PTK2: variants seen among roughly 807,000 people sequenced by gnomAD.
The protein encoded by PTK2 is focal adhesion kinase 1.
In PTK2, 45 loss-of-function variants were observed where a neutral mutation model predicts 150.1. The ratio of observed to expected loss-of-function variants is 0.30; its 90% CI spans 0.24 to 0.38. The LOEUF (loss-of-function observed/expected upper bound fraction) is 0.38. Among genes scored for constraint, PTK2 ranks in the 10% least tolerant of loss-of-function variants. The pLI, the probability that PTK2 is intolerant of heterozygous loss-of-function variation, is 1.00. For synonymous variants in PTK2, 432 were observed against 449.2 expected (o/e 0.96, Z 0.48); for missense variants, 919 against 1,307.3 (o/e 0.70, Z 4.58).
intron 1 of PTK2, among the ~76,000 whole-genome samples, chr8:140,961,496 C>G (rs758299703): frequency 1.5e-4 from 23 of 151,874 alleles, no homozygotes; most frequent in Non-Finnish European, 2.9e-4. Context: ...CCTGTCTCTA[C>G]TAAAAATACA....
intron 2 of PTK2, among the ~76,000 whole-genome samples, chr8:140,904,638 T>C (rs1315778765): frequency 6.6e-6 from 1 of 152,180 alleles, no homozygotes; most frequent in African/African-American, 2.4e-5. Context: ...GGGCTTTTTT[T>C]TGGTTGGTAG....
intron 2 of PTK2, among the ~76,000 whole-genome samples, chr8:140,898,569 G>C (rs2100157222): frequency 6.6e-6 from 1 of 152,066 alleles, no homozygotes; most frequent in South Asian, 2.1e-4. Flanking sequence ...GTCCAGATGT[G>C]AAGAAAAAAG....
chr8:140,908,162 G>A (rs1163270999), intron 2 of PTK2, among the ~76,000 whole-genome samples: 2 of 152,158 alleles, frequency 1.3e-5, no homozygotes, highest in African/African-American at 2.4e-5. Context: ...CAGCCTTATT[G>A]CTGAAACTGA....
chr8:140,689,775 CA>C (rs1360718741), intron 26 of PTK2, among the ~76,000 whole-genome samples: 1 of 152,038 alleles, frequency 6.6e-6, no homozygotes, highest in African/African-American at 2.4e-5. Flanking sequence ...TTCTTTGTAC[CA>C]TTCTTGTAAC....
At chr8:140,939,024 A>G (rs1476668717) in intron 1 of PTK2, among the ~76,000 whole-genome samples, 1 of 151,826 alleles carries the variant, frequency 6.6e-6, no homozygotes, top group Non-Finnish European at 1.5e-5. Flanking sequence ...AAAAAGTCAC[A>G]CCCTGCTTTC....
chr8:140,853,718 A>G (rs1466218199), intron 5 of PTK2, among the ~76,000 whole-genome samples: 1 of 152,194 alleles, frequency 6.6e-6, no homozygotes, highest in Non-Finnish European at 1.5e-5. Context: ...AAAAATATAC[A>G]AGAGTGAAAA....
chr8:140,801,424 T>C (rs2100094951), intron 11 of PTK2, among the ~76,000 whole-genome samples: 1 of 152,218 alleles, frequency 6.6e-6, no homozygotes, highest in Admixed American at 6.5e-5. Context: ...TGCCACTTGT[T>C]TTAAATCACT....
intron 2 of PTK2, among the ~76,000 whole-genome samples, chr8:140,917,216 C>T (rs987187932): frequency 2.6e-5 from 4 of 152,054 alleles, no homozygotes; most frequent in African/African-American, 7.2e-5. Context: ...CATGGTGAAA[C>T]CCTGTCTCTA....
chr8:141,001,342 T>C (rs2100200200), upstream of PTK2: 1 of 147,326 alleles, frequency 6.8e-6, no homozygotes, highest in South Asian at 2.2e-4. Context: ...GCGTCCTCTC[T>C]CGGCAGCGCA....
intron 17 of PTK2, chr8:140,750,465 AT>A (rs1181886086): frequency 1.3e-5 from 2 of 152,224 alleles, no homozygotes; most frequent in Admixed American, 1.3e-4. Flanking sequence ...TGTAGCTTTA[AT>A]TAGGAATCAT....
At chr8:140,906,430 T>C (rs1387273405) in intron 2 of PTK2, among the ~76,000 whole-genome samples, 1 of 152,140 alleles carries the variant, frequency 6.6e-6, no homozygotes, top group Non-Finnish European at 1.5e-5. Flanking sequence ...AGCCAAGATA[T>C]GGAATCCACA....
intron 8 of PTK2, among the ~76,000 whole-genome samples, chr8:140,824,278 T>C (rs1597338274): frequency 6.6e-6 from 1 of 152,220 alleles, no homozygotes; most frequent in East Asian, 1.9e-4. Context: ...ACTGTATTTG[T>C]CTCATTCAGC....
At chr8:140,927,975 A>AAAAAAAAAAAAAAAAAAT in intron 1 of PTK2, among the ~76,000 whole-genome samples, 1 of 48,196 alleles carries the variant, frequency 2.1e-5, no homozygotes, top group South Asian at 1.0e-3. Context: ...AAAAAAAAAA[A>AAAAAAAAAAAAAAAAAAT]ATATATATAT....
intron 26 of PTK2, among the ~76,000 whole-genome samples, chr8:140,691,761 T>C (rs2100023345): frequency 1.3e-5 from 2 of 152,200 alleles, no homozygotes; most frequent in South Asian, 4.1e-4. Context: ...AGTCAGTCAT[T>C]ATCAGAATGA....
At chr8:140,744,616 A>G in intron 19 of PTK2, 36 bp downstream of exon 22, 1 of 1,365,032 alleles carries the variant, frequency 7.3e-7, no homozygotes, top group Non-Finnish European at 1.0e-6. Context: ...ACTACTTTTC[A>G]GAAGGGAACT....
chr8:140,965,024 C>CT (rs1437611686), intron 1 of PTK2, among the ~76,000 whole-genome samples: 1 of 152,164 alleles, frequency 6.6e-6, no homozygotes, highest in Non-Finnish European at 1.5e-5. Flanking sequence ...CCTAATAATC[C>CT]TTTTTTGACA....
chr8:140,687,535 T>C (rs2100020659), intron 26 of PTK2, among the ~76,000 whole-genome samples: 1 of 152,218 alleles, frequency 6.6e-6, no homozygotes, highest in Admixed American at 6.5e-5. Flanking sequence ...CATCTTGATG[T>C]CTGATTCGTC....
intron 4 of PTK2, among the ~76,000 whole-genome samples, chr8:140,873,558 C>T (rs2100143831): frequency 6.6e-6 from 1 of 152,146 alleles, no homozygotes; most frequent in Non-Finnish European, 1.5e-5. Context: ...CTCTACCTCC[C>T]AGGTTCAAGC....
intron 1 of PTK2, among the ~76,000 whole-genome samples, chr8:140,976,407 C>T (rs1457821085): frequency 6.6e-6 from 1 of 152,144 alleles, no homozygotes; most frequent in East Asian, 1.9e-4. Flanking sequence ...AATGGACACC[C>T]AAAATAAACA....
Sources: gnomAD v4.1 joint callset for allele counts (sites outside exome capture counted in the v4.1 genomes callset) on GRCh38, gnomAD v4.1.1 for gene constraint, MANE v1.5 for transcripts, NCBI Gene and HGNC (gene_info 2026-07-23, HGNC 2026-07-21) for gene names.